Variants in HEPHL1 observed in about 807,000 individuals in gnomAD.
The protein encoded by HEPHL1 is ferroxidase HEPHL1.
A neutral mutation model predicts 122.0 loss-of-function variants in HEPHL1; 123 were observed. The ratio of observed to expected loss-of-function variants is 1.01; its 90% CI spans 0.87 to 1.17. The LOEUF (loss-of-function observed/expected upper bound fraction) is 1.17. HEPHL1 is among the 50% of genes most tolerant of loss of function. The probability of loss-of-function intolerance (pLI) is 0.00; values close to 1 mark genes in which losing one functional copy is unlikely to be tolerated. For synonymous variants in HEPHL1, 527 were observed against 508.9 expected, an observed-to-expected ratio of 1.04 and a Z score of -0.48; for missense variants, 1,452 against 1,430.5, an observed-to-expected ratio of 1.01 and a Z score of -0.24.
At chr11:94,032,810 C>G (rs528140180) in intron 1 of HEPHL1, among the ~76,000 whole-genome samples, 40 of 152,234 alleles carry the variant, frequency 2.6e-4, no homozygotes, top group African/African-American at 9.4e-4. Context: ...GATAAGATCT[C>G]AGGAGTTGGG....
intron 18 of HEPHL1, 21 bp downstream of exon 18, chr11:94,111,086 T>C: frequency 6.5e-7 from 1 of 1,543,834 alleles, no homozygotes; most frequent in Non-Finnish European, 8.8e-7. Context: ...CTGTCAGTGA[T>C]GCCAGATGAT....
intron 1 of HEPHL1, among the ~76,000 whole-genome samples, chr11:94,037,321 T>A (rs1391366422): frequency 1.3e-5 from 2 of 151,792 alleles, no homozygotes; most frequent in Non-Finnish European, 2.9e-5. Flanking sequence ...CAGGCTTGCT[T>A]AGGTAAACAA....
chr11:94,066,275 T>TG, intron 4 of HEPHL1, among the ~76,000 whole-genome samples: 1 of 151,574 alleles, frequency 6.6e-6, no homozygotes, highest in East Asian at 2.0e-4. Flanking sequence ...TGGAAAAGGG[T>TG]GGGGTATTGT....
Position 94,045,997 on chromosome 11 carries a change from G to A in HEPHL1, c.415+80G>A, listed in dbSNP as rs972347854. The A allele has an allele frequency of 5.5e-6, 7 of 1,278,708 alleles. No individual in the cohort carries two copies. In the African/African-American group the frequency reaches 1.0e-4, roughly 19 times the overall value. The allele number at this position is 1,278,708 out of a possible 1,614,324, so 79.2% of individuals were successfully genotyped here. ...ACTGTCAGAGTTAAAGAGATTTTAG[G>A]AGCACATTGATTACATGGATATATT... is the stretch of plus-strand genomic sequence containing the variant. On this transcript the variant is annotated intron_variant, in intron 2 of 19. Coordinates refer to ENST00000315765, the MANE Select transcript of HEPHL1 (RefSeq NM_001098672.2).
chr11:94,078,105 G>A (rs1396812139), intron 9 of HEPHL1, among the ~76,000 whole-genome samples: 1 of 152,020 alleles, frequency 6.6e-6, no homozygotes, highest in Non-Finnish European at 1.5e-5. Flanking sequence ...AACAATGCAT[G>A]GCACATTGTT....
Position 94,021,445 on chromosome 11 carries a change from C to A in HEPHL1, c.77C>A (p.Thr26Asn). 1 of 1,613,192 alleles carries A rather than the reference C, an allele frequency of 6.2e-7. No homozygotes were observed. The highest frequency in any genetic ancestry group is 8.5e-7 in the Non-Finnish European group (1 of 1,179,222). Residue 26 changes from threonine to asparagine, a missense_variant, in exon 1 of 20, where the codon ACC becomes AAC. Physicochemically the swap from Thr to Asn is moderately conservative, Grantham distance 65. Coordinates refer to ENST00000315765, the MANE Select transcript of HEPHL1 (RefSeq NM_001098672.2). The stretch of plus-strand genomic sequence containing the variant: ...CTGTCTGGGCTGGTTGGCACAGTTA[C>A]CAGAACGTACTACATTGGGATTGTG... ...LGLSGLVGTV[T>N]RTYYIGIVEE...
chr11:94,099,829 C>A (rs1946352581), intron 13 of HEPHL1, among the ~76,000 whole-genome samples: 2 of 152,212 alleles, frequency 1.3e-5, no homozygotes, highest in African/African-American at 4.8e-5. Context: ...CGGCTATAAT[C>A]TCCTGGTGTG....
chr11:94,023,512 A>C (rs921975234), intron 1 of HEPHL1, among the ~76,000 whole-genome samples: 1 of 152,202 alleles, frequency 6.6e-6, no homozygotes, highest in Non-Finnish European at 1.5e-5. Context: ...TTTCAACCAG[A>C]AGATGGTGCT....
Position 94,045,835 on chromosome 11 carries a change from G to C in HEPHL1, c.333G>C (p.Val111=), listed in dbSNP as rs772796053. 16 of 1,613,740 alleles carry C rather than the reference G, an allele frequency of 9.9e-6. No homozygotes were observed. Among genetic ancestry groups the C allele is most frequent in the Non-Finnish European group, 1.4e-5 (16 of 1,179,844 alleles). ...GPILRAEVGD[V]IVIHLKNFAS... The stretch of plus-strand genomic sequence containing the variant: ...TCTTGAGGGCCGAAGTGGGTGATGT[G>C]ATTGTCATTCATTTAAAGAACTTTG... The change falls in exon 2 of 20, where the codon GTG becomes GTC. Residue 111 remains valine (V), a synonymous_variant. Transcript: ENST00000315765.
intron 1 of HEPHL1, among the ~76,000 whole-genome samples, chr11:94,029,122 C>A (rs1945651120): frequency 6.6e-6 from 1 of 152,184 alleles, no homozygotes; most frequent in Admixed American, 6.5e-5. Flanking sequence ...CCACCACACC[C>A]AGCCTCAACA....
chr11:94,082,702 C>T (rs1946181598), intron 10 of HEPHL1, 134 bp downstream of exon 10: 5 of 762,874 alleles, frequency 6.6e-6, no homozygotes, highest in Non-Finnish European at 1.0e-5. Context: ...TTATTTCATG[C>T]CTTCAGCTTT....
At chr11:94,070,592 G>A in intron 6 of HEPHL1, 50 bp downstream of exon 6, 2 of 1,462,722 alleles carry the variant, frequency 1.4e-6, no homozygotes, top group Middle Eastern at 1.8e-4. Flanking sequence ...AGAAGCATGT[G>A]TTAGGCTTTC....
intron 2 of HEPHL1, 144 bp from the exon 3 acceptor site, chr11:94,063,359 GAATTT>G: frequency 1.5e-6 from 1 of 651,788 alleles, no homozygotes; most frequent in Admixed American, 2.9e-5. Flanking sequence ...GAGACATTGA[GAATTT>G]AAGTAACTTG....
At chr11:94,048,371 T>G (rs1945859545) in intron 2 of HEPHL1, among the ~76,000 whole-genome samples, 1 of 152,072 alleles carries the variant, frequency 6.6e-6, no homozygotes, top group African/African-American at 2.4e-5. Flanking sequence ...GTGCATAATT[T>G]TTTTTTGAGA....
At chr11:94,093,969 CAGATAT>C (rs1460702352) in intron 13 of HEPHL1, among the ~76,000 whole-genome samples, 5 of 50,716 alleles carry the variant, frequency 9.9e-5, no homozygotes, top group Non-Finnish European at 2.0e-4. Context: ...AATCCTCCAG[CAGATAT>C]ATATATATAT....
chr11:94,105,825 T>C (rs1456106119), intron 16 of HEPHL1, among the ~76,000 whole-genome samples, 166 bp from the exon 17 acceptor site: 1 of 152,298 alleles, frequency 6.6e-6, no homozygotes, highest in East Asian at 1.9e-4. Flanking sequence ...CTCAGTTATC[T>C]GAATTTTGGG....
chr11:94,043,461 C>T (rs1195960684), intron 1 of HEPHL1, among the ~76,000 whole-genome samples: 1 of 152,056 alleles, frequency 6.6e-6, no homozygotes, highest in Non-Finnish European at 1.5e-5. Flanking sequence ...TATCAATTGG[C>T]CAGGTCTGGA....
Position 94,101,308 on chromosome 11 carries a change from C to T in HEPHL1, c.2548C>T (p.Gln850Ter). The T allele has an allele frequency of 1.2e-6, 2 of 1,613,542 alleles. No homozygotes were observed. Among genetic ancestry groups the T allele is most frequent in the Non-Finnish European group, 1.7e-6 (2 of 1,179,698 alleles). ...TGTGGAGGAGATGGATAGTGGAAAG[C>T]AATTCCAAGTGCCCATGACAAAACC... is the stretch of plus-strand genomic sequence containing the variant. ...QGVEEMDSGKQFQVPMTKPGE... is the reference protein window; with the variant it reads ...QGVEEMDSGK Residue 850 changes from glutamine to a stop codon, truncating the protein, a stop_gained, in exon 14 of 20, where the codon CAA becomes TAA. Coordinates refer to ENST00000315765, the MANE Select transcript of HEPHL1 (RefSeq NM_001098672.2). LOFTEE classifies it high-confidence loss of function.
chr11:94,022,066 G>A (rs2949865), intron 1 of HEPHL1, among the ~76,000 whole-genome samples: 5 of 151,986 alleles, frequency 3.3e-5, no homozygotes, highest in Non-Finnish European at 5.9e-5. Flanking sequence ...TAGAATTAGC[G>A]CTTTCACTGG....
Sources: allele counts gnomAD v4.1 joint callset (sites outside exome capture counted in the v4.1 genomes callset), GRCh38; gene constraint gnomAD v4.1.1; transcripts MANE v1.5; gene names NCBI Gene and HGNC (gene_info 2026-07-23, HGNC 2026-07-21).